The following ERICH1 variants were observed in gnomAD, a reference collection of about 807,000 sequenced individuals.
The protein encoded by ERICH1 is glutamate rich 1.
In ERICH1, 56 loss-of-function variants were observed where a neutral mutation model predicts 39.6. That is an observed-to-expected ratio of 1.41 (90% CI 1.14 to 1.77). ERICH1 has a LOEUF of 1.77. ERICH1 is among the 40% of genes most tolerant of loss of function. ERICH1 has a pLI of 0.00. For missense variants in ERICH1, 826 were observed against 575.4 expected (o/e 1.44, Z -4.45); for synonymous variants, 313 against 223.6 (o/e 1.40, Z -3.57).
chr8:718,357 A>G (rs147954522), intron 1 of ERICH1, among the ~76,000 whole-genome samples: 25 of 152,282 alleles, frequency 1.6e-4, no homozygotes, highest in African/African-American at 5.8e-4. Flanking sequence ...AAGCGACATA[A>G]TAAGAATGTG....
chr8:728,734 G>A (rs571534374), intron 1 of ERICH1, among the ~76,000 whole-genome samples: 175 of 152,262 alleles, frequency 1.1e-3, no homozygotes, highest in Non-Finnish European at 2.3e-3. Flanking sequence ...GTAGGCCCAA[G>A]AAATATCCTC....
intron 1 of ERICH1, among the ~76,000 whole-genome samples, chr8:730,790 A>G (rs1263130316): frequency 6.6e-6 from 1 of 152,226 alleles, no homozygotes; most frequent in Non-Finnish European, 1.5e-5. Flanking sequence ...GCCCTGGGCT[A>G]GGACCCCTCT....
At chr8:644,246 C>T (rs1404921144) in intron 3 of ERICH1, among the ~76,000 whole-genome samples, 1 of 152,242 alleles carries the variant, frequency 6.6e-6, no homozygotes, top group Non-Finnish European at 1.5e-5. Context: ...TGCCTGGCCT[C>T]CTGCTCTTCG....
At chr8:699,928 G>GGCCCGCACACGCGCACAGGCCCGCACAC (rs1811453808) in intron 2 of ERICH1, among the ~76,000 whole-genome samples, 1 of 67,708 alleles carries the variant, frequency 1.5e-5, no homozygotes, top group Non-Finnish European at 3.1e-5. Context: ...GGCCCGCACA[G>GGCCCGCACACGCGCACAGGCCCGCACAC]GCGCACAGAC....
chr8:672,285 C>G (rs1337828874), intron 4 of ERICH1: 1 of 152,226 alleles, frequency 6.6e-6, no homozygotes, highest in African/African-American at 2.4e-5. Context: ...TTAGCCATGT[C>G]TTCCTGATGT....
rs771766759 is a variant in ERICH1, at chr8:674,052, T to C, written c.305-5A>G. Reference sequence around the variant, plus strand: ...GCTGGTCATGAGGATCCTGATCTGTTAAAAAAATTCAAATATAACAATTTT... The same window carrying C: ...GCTGGTCATGAGGATCCTGATCTGTCAAAAAAATTCAAATATAACAATTTT... On this transcript the variant is annotated splice_region_variant and splice_polypyrimidine_tract_variant and intron_variant, in intron 3 of 5. Coordinates refer to ENST00000262109, the MANE Select transcript of ERICH1 (RefSeq NM_207332.3). The C allele has an allele frequency of 1.3e-6, 2 of 1,528,040 alleles. No individual in the cohort carries two copies. The highest frequency in any genetic ancestry group is 1.7e-6 in the Non-Finnish European group (2 of 1,151,636). 94.7% of individuals were successfully genotyped at this position (1,528,040 alleles called of 1,614,324 possible). A position where few individuals can be genotyped will look rare whatever the true frequency, so the allele number is the denominator to read the frequency against.
At chr8:708,153 T>C (rs999570192) in intron 2 of ERICH1, among the ~76,000 whole-genome samples, 1 of 151,968 alleles carries the variant, frequency 6.6e-6, no homozygotes, top group Non-Finnish European at 1.5e-5. Flanking sequence ...TTAGTGAGCA[T>C]GTAGAGAAAC....
rs114010373 is a variant in ERICH1, at chr8:712,829, T to C, written c.169+3032A>G. ...CCTTTATTAGTTCCAGAAGTCTTTT[T>C]TGTTGCTTCTTTCAGATTTTCATTA... On this transcript the variant is annotated intron_variant, in intron 2 of 5. Coordinates refer to ENST00000262109, the MANE Select transcript of ERICH1 (RefSeq NM_207332.3). Among the ~76,000 whole-genome samples the C allele has an allele frequency of 2.2e-3, 340 of 152,384 alleles. 1 individual carries two copies. Among genetic ancestry groups the C allele is most frequent in the African/African-American group, 7.6e-3 (315 of 41,596 alleles).
At chr8:718,735 C>T (rs1300945774) in intron 1 of ERICH1, among the ~76,000 whole-genome samples, 1 of 152,200 alleles carries the variant, frequency 6.6e-6, no homozygotes, top group Admixed American at 6.5e-5. Flanking sequence ...ACCTGAAAGC[C>T]AGGAATCAAT....
chr8:709,886 A>G (rs566726877), intron 2 of ERICH1, among the ~76,000 whole-genome samples: 3 of 152,228 alleles, frequency 2.0e-5, no homozygotes, highest in Non-Finnish European at 4.4e-5. Flanking sequence ...CTACCACCAG[A>G]TATGTTACTG....
At chr8:709,537 G>C (rs1316592466) in intron 2 of ERICH1, among the ~76,000 whole-genome samples, 2 of 152,186 alleles carry the variant, frequency 1.3e-5, no homozygotes, top group Non-Finnish European at 2.9e-5. Context: ...TTTACCCTTT[G>C]AGACTAGGTC....
intron 3 of ERICH1, among the ~76,000 whole-genome samples, chr8:639,169 C>G (rs1170799373): frequency 6.6e-6 from 1 of 152,122 alleles, no homozygotes; most frequent in African/African-American, 2.4e-5. Context: ...GTCTTGGATT[C>G]TGCTTTTTCT....
chr8:642,771 G>C (rs1585013706), intron 3 of ERICH1, among the ~76,000 whole-genome samples: 1 of 152,296 alleles, frequency 6.6e-6, no homozygotes, highest in South Asian at 2.1e-4. Context: ...CACCGGCTCA[G>C]AGGGTCAGTG....
exon 4 of ERICH1, chr8:615,283 T>C (rs1040270874): frequency 1.0e-5 from 7 of 692,350 alleles, no homozygotes; most frequent in Non-Finnish European, 1.6e-5. Context: ...TGCTTAGGAC[T>C]CCTGGAAAAT....
intron 5 of ERICH1, among the ~76,000 whole-genome samples, chr8:665,617 C>T (rs534299761): frequency 3.3e-5 from 5 of 152,344 alleles, no homozygotes; most frequent in South Asian, 2.1e-4. Flanking sequence ...GGTTGATGTT[C>T]GGAAATCCTC....
chr8:719,971 C>T (rs1205009807), intron 1 of ERICH1, among the ~76,000 whole-genome samples: 1 of 152,106 alleles, frequency 6.6e-6, no homozygotes, highest in Admixed American at 6.5e-5. Context: ...TACAAGGTAC[C>T]GCAGGCTCAT....
intron 2 of ERICH1, among the ~76,000 whole-genome samples, chr8:700,542 G>GCCCTCACAGGCCACAGA (rs1811858328): frequency 8.6e-6 from 1 of 116,176 alleles, no homozygotes. Context: ...AGGCGCACAG[G>GCCCTCACAGGCCACAGA]CCCGCACACG....
Position 634,350 on chromosome 8 carries a change from G to C in ERICH1, c.977-19066C>G, listed in dbSNP as rs373612020. On this transcript the variant is annotated intron_variant, in intron 3 of 3. Transcript: ENST00000522706. The stretch of plus-strand genomic sequence containing the variant: ...ACAAAGGCAACGAGCGAGCGTCGTG[G>C]AGCGCTTGGAACCCTCGTGCACTGT... Among the ~76,000 whole-genome samples, 6 of 151,888 alleles carry C rather than the reference G, an allele frequency of 4.0e-5. No homozygotes were observed. In the East Asian group the frequency reaches 9.8e-4, roughly 25 times the overall value.
chr8:726,898 A>G lies in ERICH1; in HGVS notation c.22+4242T>C, dbSNP rs560842910. Among the ~76,000 whole-genome samples the G allele has an allele frequency of 3.3e-4, 50 of 151,342 alleles. No individual in the cohort carries two copies. In the East Asian group the frequency reaches 9.2e-3, roughly 28 times the overall value. The stretch of plus-strand genomic sequence containing the variant: ...GCACACACATGTACACACACATCCC[A>G]GACATGCATGTACACACAGACCACA... On this transcript the variant is annotated intron_variant, in intron 1 of 5. Transcript: ENST00000262109.
Sources: gnomAD v4.1 joint callset for allele counts (sites outside exome capture counted in the v4.1 genomes callset) on GRCh38, gnomAD v4.1.1 for gene constraint, MANE v1.5 for transcripts, NCBI Gene and HGNC (gene_info 2026-07-23, HGNC 2026-07-21) for gene names.